OVCH2: variants seen among roughly 807,000 people sequenced by gnomAD.
OVCH2 encodes the protein ovochymase-2.
OVCH2 carries 88 observed loss-of-function variants against 73.7 expected under a neutral mutation model. That is an observed-to-expected ratio of 1.19 (90% CI 1.01 to 1.43). The LOEUF is 1.43. Ranked by LOEUF, OVCH2 falls within the 40% of genes most tolerant of loss-of-function variation. The probability of loss-of-function intolerance (pLI) is 0.00; values close to 1 mark genes in which losing one functional copy is unlikely to be tolerated. For synonymous variants in OVCH2, 265 were observed against 234.5 expected (o/e 1.13, Z -1.19); for missense variants, 706 against 674.5 (o/e 1.05, Z -0.52).
intron 3 of OVCH2, 88 bp downstream of exon 3, chr11:7,703,610 G>T: frequency 9.6e-7 from 1 of 1,041,412 alleles, no homozygotes; most frequent in Non-Finnish European, 1.4e-6. Context: ...TATCACACAG[G>T]TCCATGTTTT....
chr11:7,701,592 C>A, intron 5 of OVCH2, 117 bp from the exon 6 acceptor site: 1 of 1,466,728 alleles, frequency 6.8e-7, no homozygotes, highest in Non-Finnish European at 9.2e-7. Flanking sequence ...TACAATGTGA[C>A]ATTCCCTATC....
intron 14 of OVCH2, 155 bp downstream of exon 14, chr11:7,691,114 G>A: frequency 1.1e-6 from 1 of 932,928 alleles, no homozygotes; most frequent in Non-Finnish European, 1.6e-6. Context: ...GGATGGCTGA[G>A]TATTCTCTTA....
intron 12 of OVCH2, among the ~76,000 whole-genome samples, chr11:7,692,464 C>A (rs1013997589): frequency 6.6e-6 from 1 of 152,184 alleles, no homozygotes; most frequent in South Asian, 2.1e-4. Flanking sequence ...TTCTACCCAG[C>A]GGGATATAGC....
At chr11:7,696,234 C>T (rs1372458700) in intron 10 of OVCH2, among the ~76,000 whole-genome samples, 3 of 152,122 alleles carry the variant, frequency 2.0e-5, no homozygotes, top group Admixed American at 2.0e-4. Context: ...GCAAATGGGC[C>T]TAGGAAGCCT....
At chr11:7,698,614 G>A (rs1158170151) in intron 8 of OVCH2, 136 bp downstream of exon 8, 1 of 767,352 alleles carries the variant, frequency 1.3e-6, no homozygotes, top group Non-Finnish European at 2.0e-6. Context: ...CATAATGGCT[G>A]TAGGTGCTCC....
Position 7,696,693 on chromosome 11 carries a change from A to C in OVCH2, c.1016+16T>G. The C allele has an allele frequency of 6.2e-7, 1 of 1,613,866 alleles. No individual in the cohort carries two copies. The highest frequency in any genetic ancestry group is 1.7e-5 in the Admixed American group (1 of 60,006). On this transcript the variant is annotated intron_variant, in intron 9 of 15. Transcript: ENST00000533663. ...AGGTGGGAGTAAGGAGGAGGAGTAC[A>C]AAGGGGGTTACTCACTGCTTGCTCT... is the stretch of plus-strand genomic sequence containing the variant.
At chr11:7,683,998 T>TA in the OVCH2 span, among the ~76,000 whole-genome samples, 9,294 of 149,724 alleles carry the variant, frequency 0.062, 971 homozygotes, top group African/African-American at 0.21. Context: ...CATCTGGCAT[T>TA]TTATATATAT....
At chr11:7,686,352 C>T (rs1198809630), downstream of OVCH2, among the ~76,000 whole-genome samples, 2 of 152,112 alleles carry the variant, frequency 1.3e-5, no homozygotes, top group East Asian at 3.8e-4. Flanking sequence ...GAATGAAGCC[C>T]AGCATATAAT....
At chr11:7,702,131 A>G in intron 4 of OVCH2, 26 bp downstream of exon 4, 1 of 1,566,388 alleles carries the variant, frequency 6.4e-7, no homozygotes, top group Admixed American at 1.7e-5. Context: ...GGGGTAGACA[A>G]TTCAGTATGA....
chr11:7,693,783 C>T (rs1856266254), intron 12 of OVCH2, among the ~76,000 whole-genome samples: 1 of 152,182 alleles, frequency 6.6e-6, no homozygotes, highest in Non-Finnish European at 1.5e-5. Flanking sequence ...CTGCCATTAA[C>T]ATCTGACTTC....
At chr11:7,692,190 C>G (rs1856235843) in intron 12 of OVCH2, among the ~76,000 whole-genome samples, 195 bp from the exon 13 acceptor site, 1 of 152,196 alleles carries the variant, frequency 6.6e-6, no homozygotes, top group African/African-American at 2.4e-5. Context: ...TTTGAAATAG[C>G]TACCAAATAT....
chr11:7,684,495 C>CAA (rs1856120809), downstream of OVCH2, among the ~76,000 whole-genome samples: 2 of 119,446 alleles, frequency 1.7e-5, no homozygotes, highest in Admixed American at 9.1e-5. Context: ...TATACACACA[C>CAA]ATACATACAT....
Position 7,695,177 on chromosome 11 carries a change from T to G in OVCH2, c.1294A>C (p.Ser432Arg). Residue 432 changes from serine to arginine, a missense_variant, in exon 12 of 16, where the codon AGT (serine) becomes CGT (arginine). By Grantham distance (110) the Ser-to-Arg change is moderately radical. Coordinates refer to ENST00000533663, the MANE Select transcript of OVCH2 (RefSeq NM_198185.7). ...KPNYIPDSGC[S>R]YLTVLFEEGL... ...TCTTCAAAAAGGACAGTTAAGTAAC[T>G]GCAACCTGAATCTGAAACGTAAGAA... The G allele has an allele frequency of 1.3e-6, 2 of 1,557,168 alleles. No individual in the cohort carries two copies. The highest frequency in any genetic ancestry group is 1.7e-6 in the Non-Finnish European group (2 of 1,152,276).
In OVCH2 at chr11:7,701,342, T is replaced by C; in HGVS notation, c.693A>G (p.Gly231=). 1 of 1,612,890 alleles carries C rather than the reference T, an allele frequency of 6.2e-7. No homozygotes were observed. Among genetic ancestry groups the C allele is most frequent in the Non-Finnish European group, 8.5e-7 (1 of 1,179,540 alleles). The change falls in exon 6 of 16, where the codon GGA becomes GGG. Residue 231 remains glycine (G), a synonymous_variant. Transcript: ENST00000533663. The part of the protein sequence containing the change: ...KTFLCTGFPD[G]GRDACQGDSG... The stretch of plus-strand genomic sequence containing the variant: ...CACCCACCTGACATGCGTCTCTCCC[T>C]CCATCAGGAAAACCTGTGCAAAGAA...
the OVCH2 span, among the ~76,000 whole-genome samples, chr11:7,681,731 GGAGT>G: frequency 9.9e-5 from 15 of 151,296 alleles, no homozygotes; most frequent in African/African-American, 3.6e-4. Context: ...GAGACAACCA[GGAGT>G]AAGTGAGGCA....
the OVCH2 span, among the ~76,000 whole-genome samples, chr11:7,679,823 G>A: frequency 6.6e-6 from 1 of 152,140 alleles, no homozygotes; most frequent in African/African-American, 2.4e-5. Flanking sequence ...GCCCACCAAT[G>A]GTCAATAATT....
At chr11:7,696,676 G>A in intron 9 of OVCH2, 33 bp downstream of exon 9, 1 of 1,613,834 alleles carries the variant, frequency 6.2e-7, no homozygotes, top group Non-Finnish European at 8.5e-7. Flanking sequence ...GGAGGTGGGA[G>A]TAAGGAGGAG....
chr11:7,694,799 G>T (rs577670695), intron 12 of OVCH2, among the ~76,000 whole-genome samples: 1 of 122,530 alleles, frequency 8.2e-6, no homozygotes, highest in South Asian at 3.1e-4. Flanking sequence ...AGATTAAAGC[G>T]GCACTTTTTT....
At chr11:7,703,611 T>A (rs1322412532) in intron 3 of OVCH2, 87 bp downstream of exon 3, 1 of 1,050,174 alleles carries the variant, frequency 9.5e-7, no homozygotes, top group Non-Finnish European at 1.4e-6. Context: ...ATCACACAGG[T>A]CCATGTTTTA....
Sources: gnomAD v4.1 joint callset for allele counts (sites outside exome capture counted in the v4.1 genomes callset) on GRCh38, gnomAD v4.1.1 for gene constraint, MANE v1.5 for transcripts, NCBI Gene and HGNC (gene_info 2026-07-23, HGNC 2026-07-21) for gene names.